The following ASB9 variants were observed in gnomAD, a reference collection of about 807,000 sequenced individuals.
The protein encoded by ASB9 is ankyrin repeat and SOCS box protein 9.
Under a neutral mutation model 16.6 loss-of-function variants are expected in ASB9, and 5 were observed. The observed-to-expected ratio is 0.30, with a 90% CI of 0.16 to 0.63. The LOEUF is 0.63. Ranked by LOEUF, ASB9 falls within the 30% of genes least tolerant of loss-of-function variation. The probability of loss-of-function intolerance (pLI) is 0.82; values close to 1 mark genes in which losing one functional copy is unlikely to be tolerated. For missense variants in ASB9, 216 were observed against 229.4 expected, an observed-to-expected ratio of 0.94 and a Z score of 0.38; for synonymous variants, 100 against 86.4, an observed-to-expected ratio of 1.16 and a Z score of -0.87.
In ASB9 at chrX:15,252,389, C is replaced by T. The variant is rs1362960999; in HGVS notation, c.298G>A (p.Ala100Thr). 2 of 1,199,687 alleles carry T rather than the reference C, an allele frequency of 1.7e-6. No homozygotes were observed. Among genetic ancestry groups the T allele is most frequent in the Non-Finnish European group, 2.2e-6 (2 of 890,852 alleles). Residue 100 changes from alanine to threonine, a missense_variant, in exon 4 of 7, where the codon GCA (alanine) becomes ACA (threonine). By Grantham distance (58) the Ala-to-Thr change is moderately conservative. Transcript: ENST00000380488. ...KHGAQVNGVT[A>T]DWHTPLFNAC... ...TTAAACAGTGGAGTGTGCCAGTCTG[C>T]TGTCACACCATTCACCTGGTAAAAG...
intron 6 of ASB9, among the ~76,000 whole-genome samples, chrX:15,248,080 T>G (rs1924812418): frequency 8.9e-6 from 1 of 112,171 alleles, no homozygotes; most frequent in Non-Finnish European, 1.9e-5. Flanking sequence ...GTTTCTCAAC[T>G]GCCTCTGAGC....
chrX:15,244,409 G>T lies in ASB9; in HGVS notation c.*97C>A, dbSNP rs112232773. On this transcript the variant is annotated 3_prime_UTR_variant, in exon 7 of 7. Transcript: ENST00000380488. The stretch of plus-strand genomic sequence containing the variant: ...AATACAAATCTAATCGAAAAAACTA[G>T]TCAAACTCTATAAATCCAACTTGAT... 2.2e-4 allele frequency: 223 copies of T among 1,006,079 alleles called. No individual in the cohort carries two copies. In the African/African-American group the frequency reaches 3.6e-3, roughly 16 times the overall value. The allele number at this position is 1,006,079 out of a possible 1,213,427, so 82.9% of individuals were successfully genotyped here.
intron 1 of ASB9, among the ~76,000 whole-genome samples, chrX:15,263,442 A>G (rs942666509): frequency 9.0e-6 from 1 of 111,554 alleles, no homozygotes; most frequent in Admixed American, 9.6e-5. Flanking sequence ...GCTTACAGTC[A>G]GAAACAAACA....
At chrX:15,248,300 A>G (rs1225942660) in intron 6 of ASB9, among the ~76,000 whole-genome samples, 1 of 111,893 alleles carries the variant, frequency 8.9e-6, no homozygotes, top group Non-Finnish European at 1.9e-5. Context: ...TGTGAACCCT[A>G]AACTCTTAAA....
At chrX:15,247,962 T>C (rs1043902017) in intron 6 of ASB9, among the ~76,000 whole-genome samples, 1 of 112,290 alleles carries the variant, frequency 8.9e-6, no homozygotes, top group Non-Finnish European at 1.9e-5. Flanking sequence ...AGAAAATAAC[T>C]AGATTGTATA....
At chrX:15,258,095 T>G (rs1925720731) in intron 2 of ASB9, among the ~76,000 whole-genome samples, 1 of 111,564 alleles carries the variant, frequency 9.0e-6, no homozygotes, top group Non-Finnish European at 1.9e-5. Flanking sequence ...TCACTGAGTT[T>G]TGGGATGGTT....
intron 1 of ASB9, among the ~76,000 whole-genome samples, chrX:15,261,766 G>C (rs761193605): frequency 8.9e-6 from 1 of 112,502 alleles, no homozygotes; most frequent in Admixed American, 9.4e-5. Flanking sequence ...TCTCTAGCTA[G>C]CTAGCTAGCA....
chrX:15,256,359 C>T (rs181678709), intron 2 of ASB9, among the ~76,000 whole-genome samples: 10 of 90,865 alleles, frequency 1.1e-4, no homozygotes, highest in Non-Finnish European at 2.2e-4. Context: ...GCTCTGTCGC[C>T]GAGGCTGGAG....
At chrX:15,260,439 T>C (rs1369447265) in intron 1 of ASB9, among the ~76,000 whole-genome samples, 1 of 112,075 alleles carries the variant, frequency 8.9e-6, no homozygotes, top group African/African-American at 3.2e-5. Flanking sequence ...TACAACCACA[T>C]AGAAGGAAAA....
At chrX:15,266,766 C>G (rs1307290154) in intron 1 of ASB9, among the ~76,000 whole-genome samples, 2 of 108,986 alleles carry the variant, frequency 1.8e-5, no homozygotes, top group East Asian at 5.8e-4. Context: ...GAAACCCCGT[C>G]TCTACTAAAA....
At chrX:15,245,465 G>T (rs1924584786) in intron 6 of ASB9, among the ~76,000 whole-genome samples, 1 of 111,276 alleles carries the variant, frequency 9.0e-6, no homozygotes, top group South Asian at 3.8e-4. Flanking sequence ...GATGGGGAAT[G>T]ATTTTCCCTG....
At chrX:15,263,828 G>C (rs771584091) in intron 1 of ASB9, among the ~76,000 whole-genome samples, 7 of 111,880 alleles carry the variant, frequency 6.3e-5, no homozygotes, top group Non-Finnish European at 1.1e-4. Flanking sequence ...TGCAAGGATA[G>C]AAATATCTCT....
chrX:15,251,956 A>G (rs1017468997), intron 4 of ASB9, among the ~76,000 whole-genome samples: 10 of 112,313 alleles, frequency 8.9e-5, no homozygotes, highest in African/African-American at 3.2e-4. Context: ...CAGCAGTGAA[A>G]AACATTCAAA....
chrX:15,261,592 T>C (rs1292012328), intron 1 of ASB9, among the ~76,000 whole-genome samples: 1 of 112,341 alleles, frequency 8.9e-6, no homozygotes, highest in Non-Finnish European at 1.9e-5. Context: ...ACTCTTTCTA[T>C]TTGGGGCAAA....
chrX:15,261,177 T>C (rs1381118472), intron 1 of ASB9, among the ~76,000 whole-genome samples: 2 of 112,092 alleles, frequency 1.8e-5, no homozygotes, highest in Non-Finnish European at 3.8e-5. Context: ...CATGGAAAGA[T>C]TGATCTCCAA....
Sources: allele counts gnomAD v4.1 joint callset (sites outside exome capture counted in the v4.1 genomes callset), GRCh38; gene constraint gnomAD v4.1.1; transcripts MANE v1.5; gene names NCBI Gene and HGNC (gene_info 2026-07-23, HGNC 2026-07-21).